Variants in IL34 observed in about 807,000 individuals in gnomAD.
IL34 encodes interleukin-34.
IL34 carries 17 observed loss-of-function variants against 25.3 expected under a neutral mutation model. That is an observed-to-expected ratio of 0.67 (90% confidence interval 0.46 to 1.01). IL34 has a LOEUF of 1.01. Ranked by LOEUF, IL34 falls within the 50% of genes least tolerant of loss-of-function variation. The pLI is 0.00. For missense variants in IL34, 368 were observed against 312.9 expected, an observed-to-expected ratio of 1.18 and a Z score of -1.33; for synonymous variants, 174 against 140.9, an observed-to-expected ratio of 1.23 and a Z score of -1.66.
At chr16:70,621,217 A>T (rs575141199) in intron 1 of IL34, among the ~76,000 whole-genome samples, 2 of 152,228 alleles carry the variant, frequency 1.3e-5, no homozygotes, top group African/African-American at 4.8e-5. Context: ...ATGGTCTGAC[A>T]CCCTTGAAGC....
intron 1 of IL34, among the ~76,000 whole-genome samples, chr16:70,650,664 G>A (rs554766131): frequency 6.6e-6 from 1 of 152,276 alleles, no homozygotes; most frequent in African/African-American, 2.4e-5. Flanking sequence ...GGTGGCTCTC[G>A]GGACACCAGC....
intron 1 of IL34, among the ~76,000 whole-genome samples, chr16:70,585,377 C>G (rs367896837): frequency 6.6e-6 from 1 of 152,158 alleles, no homozygotes; most frequent in East Asian, 1.9e-4. Context: ...GCAAGTGCTA[C>G]CATACCTGGC....
intron 1 of IL34, among the ~76,000 whole-genome samples, chr16:70,587,323 G>A (rs2050706391): frequency 6.6e-6 from 1 of 152,004 alleles, no homozygotes; most frequent in Admixed American, 6.6e-5. Flanking sequence ...AGGCTGGAGT[G>A]CAGTGGCACA....
At chr16:70,595,334 C>T (rs2050806909) in intron 1 of IL34, among the ~76,000 whole-genome samples, 1 of 145,134 alleles carries the variant, frequency 6.9e-6, no homozygotes, top group African/African-American at 2.8e-5. Flanking sequence ...ATTCCTTCTC[C>T]TTCTTTTTCT....
At chr16:70,657,332 C>G (rs867389753) in intron 4 of IL34, 5 of 571,736 alleles carry the variant, frequency 8.7e-6, no homozygotes, top group Middle Eastern at 4.6e-4. Context: ...GAGCCGGGCT[C>G]GGGGTGCAGG....
chr16:70,612,678 A>G (rs1440515885), intron 1 of IL34, among the ~76,000 whole-genome samples: 1 of 152,256 alleles, frequency 6.6e-6, no homozygotes, highest in Non-Finnish European at 1.5e-5. Context: ...GTGAGTTGGA[A>G]AAACGCACAC....
intron 1 of IL34, among the ~76,000 whole-genome samples, chr16:70,651,374 A>C (rs2052074545): frequency 6.6e-6 from 1 of 152,220 alleles, no homozygotes; most frequent in Non-Finnish European, 1.5e-5. Context: ...GGTTCAGTTC[A>C]TGTTTATCTG....
intron 1 of IL34, among the ~76,000 whole-genome samples, chr16:70,593,990 TTGTC>T (rs1169354397): frequency 1.3e-5 from 2 of 152,208 alleles, no homozygotes; most frequent in African/African-American, 4.8e-5. Context: ...ACTGATCTAT[TTGTC>T]TGTTCTTTCA....
rs941635680 is a variant in IL34, at chr16:70,625,901, G to C, written c.-400-20647G>C. Among the ~76,000 whole-genome samples the C allele has an allele frequency of 4.6e-5, 7 of 152,188 alleles. 1 individual carries two copies. The highest frequency in any genetic ancestry group is 1.9e-4 in the East Asian group (1 of 5,196). On this transcript the variant is annotated intron_variant, in intron 1 of 6. Transcript: ENST00000429149. ...AATTGGTGAGATGTTTCTTGGGCTT[G>C]TCTGTCTAAGGACCTGAGGTGGTAG... is the stretch of plus-strand genomic sequence containing the variant.
upstream of IL34, among the ~76,000 whole-genome samples, chr16:70,643,836 T>A (rs2051843607): frequency 6.6e-6 from 1 of 152,194 alleles, no homozygotes; most frequent in South Asian, 2.1e-4. Context: ...ATTTGAGGGT[T>A]GTGTGATGAC....
chr16:70,587,804 C>T (rs180912312), intron 1 of IL34, among the ~76,000 whole-genome samples: 2 of 151,636 alleles, frequency 1.3e-5, no homozygotes, highest in African/African-American at 2.4e-5. Flanking sequence ...TTTGGGAGGC[C>T]GAGGCGAGCA....
chr16:70,659,853 C>T (rs1461226713), intron 5 of IL34, 100 bp downstream of exon 5: 4 of 1,498,984 alleles, frequency 2.7e-6, no homozygotes, highest in African/African-American at 2.8e-5. Flanking sequence ...GGCATATCCT[C>T]TGCTCCCCGG....
At chr16:70,624,824 C>G (rs1178572872) in intron 1 of IL34, among the ~76,000 whole-genome samples, 1 of 151,484 alleles carries the variant, frequency 6.6e-6, no homozygotes, top group East Asian at 1.9e-4. Flanking sequence ...CCTAGCTTGG[C>G]CTGGAGAGGA....
In IL34 at chr16:70,601,034, G is replaced by A. The variant is rs145212322; in HGVS notation, c.-401+20985G>A. Among the ~76,000 whole-genome samples, 8 of 150,978 alleles carry A rather than the reference G, an allele frequency of 5.3e-5. No homozygotes were observed. In the East Asian group the frequency reaches 1.4e-3, roughly 26 times the overall value. On this transcript the variant is annotated intron_variant, in intron 1 of 6. Transcript: ENST00000429149. ...GGAGATGCTGGGAGAAGTAGGGGAT[G>A]AGGGGAGAAGTAGGGGATGCTGGGA...
At chr16:70,630,761 C>T (rs537559619) in intron 1 of IL34, among the ~76,000 whole-genome samples, 24 of 151,920 alleles carry the variant, frequency 1.6e-4, no homozygotes, top group South Asian at 4.2e-4. Flanking sequence ...TTTGTAGAGA[C>T]GGGGTTTCGC....
At chr16:70,646,192 G>A (rs370658507), upstream of IL34, among the ~76,000 whole-genome samples, 5 of 152,088 alleles carry the variant, frequency 3.3e-5, no homozygotes, top group South Asian at 1.0e-3. Flanking sequence ...TTACAAGCAT[G>A]AGCCATTGCG....
At chr16:70,633,422 T>TAA (rs35132744) in intron 1 of IL34, among the ~76,000 whole-genome samples, 2 of 151,288 alleles carry the variant, frequency 1.3e-5, no homozygotes, top group Non-Finnish European at 2.9e-5. Context: ...CCTGGCTAAT[T>TAA]AAAAAAAATT....
At chr16:70,627,305 A>G (rs1471450056) in intron 1 of IL34, among the ~76,000 whole-genome samples, 2 of 152,142 alleles carry the variant, frequency 1.3e-5, no homozygotes, top group Non-Finnish European at 2.9e-5. Flanking sequence ...AATTGGAAGT[A>G]TACAGCTTGA....
rs8056766 is a variant in IL34, at chr16:70,630,903, A to G, written c.-400-15645A>G. On this transcript the variant is annotated intron_variant, in intron 1 of 6. Coordinates refer to the IL34 transcript ENST00000429149. ...TTTCTTTATTCATCTGCTGATGGGCACTCAGTTTGCTTCCAAATCTTGGCT... is the reference window on the plus strand; with the variant it reads ...TTTCTTTATTCATCTGCTGATGGGCGCTCAGTTTGCTTCCAAATCTTGGCT... Among the ~76,000 whole-genome samples, 25 of 152,098 alleles carry G rather than the reference A, an allele frequency of 1.6e-4. 1 individual carries two copies. In the South Asian group the frequency reaches 1.9e-3, roughly 11 times the overall value.
Sources: gnomAD v4.1 joint callset for allele counts (sites outside exome capture counted in the v4.1 genomes callset) on GRCh38, gnomAD v4.1.1 for gene constraint, MANE v1.5 for transcripts, NCBI Gene and HGNC (gene_info 2026-07-23, HGNC 2026-07-21) for gene names.